The following ROBO2 variants were observed in gnomAD, a reference collection of about 807,000 sequenced individuals.
The protein encoded by ROBO2 is roundabout guidance receptor 2.
Under a neutral mutation model 160.8 loss-of-function variants are expected in ROBO2, and 53 were observed. The observed-to-expected ratio is 0.33, with a 90% confidence interval of 0.26 to 0.41. The LOEUF (loss-of-function observed/expected upper bound fraction) is 0.41. Among genes scored for constraint, ROBO2 ranks in the 10% least tolerant of loss-of-function variants. The pLI, the probability that ROBO2 is intolerant of heterozygous loss-of-function variation, is 1.00. For synonymous variants in ROBO2, 664 were observed against 611.7 expected, an observed-to-expected ratio of 1.09 and a Z score of -1.26; for missense variants, 1,577 against 1,722.4, an observed-to-expected ratio of 0.92 and a Z score of 1.49.
At chr3:75,991,045 CTG>C (rs1006391645) in intron 2 of ROBO2, among the ~76,000 whole-genome samples, 10 of 152,288 alleles carry the variant, frequency 6.6e-5, no homozygotes, top group African/African-American at 1.9e-4. Context: ...GACCTTCAAA[CTG>C]AGCCTGAATT....
At position 77,044,024 on chromosome 3, in the gene ROBO2, T is replaced by C. The variant is rs182277531; in HGVS notation, c.61+3178T>C. 3.3e-5 allele frequency among the ~76,000 whole-genome samples: 5 copies of C among 152,244 alleles called. No individual in the cohort carries two copies. In the East Asian group the frequency reaches 7.7e-4, roughly 23 times the overall value. ...GTAGTCTATTTCAGAATTTAAATTA[T>C]ATATAAGTAACCTGAAATGTGTTTT... On this transcript the variant is annotated intron_variant, in intron 1 of 25. Coordinates refer to ENST00000461745, the Ensembl canonical transcript of ROBO2.
chr3:76,744,706 C>T (rs2108099338), intron 2 of ROBO2, among the ~76,000 whole-genome samples: 1 of 152,176 alleles, frequency 6.6e-6, no homozygotes, highest in African/African-American at 2.4e-5. Flanking sequence ...AGATAGCCAT[C>T]TTCTCCCAGT....
At chr3:76,268,572 CTT>C (rs1707236874) in intron 2 of ROBO2, among the ~76,000 whole-genome samples, 1 of 152,062 alleles carries the variant, frequency 6.6e-6, no homozygotes. Flanking sequence ...TCTTCAGTGT[CTT>C]TTCCTCTTCT....
At chr3:77,050,012 C>A (rs971477392) in intron 1 of ROBO2, among the ~76,000 whole-genome samples, 1 of 152,046 alleles carries the variant, frequency 6.6e-6, no homozygotes, top group African/African-American at 2.4e-5. Context: ...AGGTTAGAGT[C>A]GTACTTAGAA....
chr3:76,840,674 T>TAA (rs1553654408), intron 2 of ROBO2, among the ~76,000 whole-genome samples: 9 of 127,064 alleles, frequency 7.1e-5, no homozygotes, highest in Middle Eastern at 4.2e-3. Context: ...TATATATATA[T>TAA]AAGATGAAGT....
intron 23 of ROBO2, among the ~76,000 whole-genome samples, chr3:77,624,378 G>A (rs2094962327): frequency 6.6e-6 from 1 of 152,112 alleles, no homozygotes; most frequent in Non-Finnish European, 1.5e-5. Flanking sequence ...GTGGGTGTGG[G>A]TGCTTGTGTA....
At chr3:76,806,083 C>T (rs1379893867) in intron 2 of ROBO2, among the ~76,000 whole-genome samples, 1 of 151,806 alleles carries the variant, frequency 6.6e-6, no homozygotes, top group Non-Finnish European at 1.5e-5. Flanking sequence ...TGAAATTCTT[C>T]TGTTTCCCTT....
At chr3:77,185,559 G>A (rs2081204573) in intron 2 of ROBO2, among the ~76,000 whole-genome samples, 1 of 151,930 alleles carries the variant, frequency 6.6e-6, no homozygotes, top group Admixed American at 6.6e-5. Flanking sequence ...AACATTGCTG[G>A]TGGGAATGTA....
intron 2 of ROBO2, among the ~76,000 whole-genome samples, chr3:77,281,476 A>G (rs942183211): frequency 1.4e-5 from 2 of 147,314 alleles, no homozygotes; most frequent in Non-Finnish European, 3.0e-5. Context: ...CACTAAATAT[A>G]AGAAAAAATA....
At chr3:76,279,725 G>C (rs1449855458) in intron 2 of ROBO2, among the ~76,000 whole-genome samples, 2 of 138,168 alleles carry the variant, frequency 1.4e-5, no homozygotes, top group Non-Finnish European at 3.3e-5. Flanking sequence ...AATTATCATT[G>C]CATCAGGATC....
At chr3:77,260,134 A>T (rs2058683369) in intron 2 of ROBO2, among the ~76,000 whole-genome samples, 1 of 152,162 alleles carries the variant, frequency 6.6e-6, no homozygotes, top group Admixed American at 6.5e-5. Context: ...ACAGGTGGTC[A>T]TCGAGACTAG....
At chr3:76,710,337 TC>T in intron 2 of ROBO2, among the ~76,000 whole-genome samples, 1 of 152,260 alleles carries the variant, frequency 6.6e-6, no homozygotes, top group African/African-American at 2.4e-5. Context: ...GCCAGGATGG[TC>T]TTGATCCCTT....
chr3:76,245,302 T>G (rs1015949786), intron 2 of ROBO2, among the ~76,000 whole-genome samples: 16 of 152,214 alleles, frequency 1.1e-4, no homozygotes. Flanking sequence ...AATACCTATT[T>G]TAGTCACTGC....
chr3:77,135,287 C>T (rs540074375), intron 2 of ROBO2, among the ~76,000 whole-genome samples: 145 of 152,276 alleles, frequency 9.5e-4, no homozygotes, highest in Non-Finnish European at 1.9e-3. Flanking sequence ...CCACATGCTA[C>T]CTTCACTAGA....
intron 2 of ROBO2, among the ~76,000 whole-genome samples, chr3:77,370,980 G>A (rs1017036119): frequency 1.7e-4 from 26 of 152,110 alleles, no homozygotes; most frequent in African/African-American, 6.0e-4. Context: ...CGTATAGTTC[G>A]GTCTTCAAGG....
At chr3:75,907,865 G>GTGTGTT (rs1283602812) in intron 1 of ROBO2, among the ~76,000 whole-genome samples, 3 of 56,866 alleles carry the variant, frequency 5.3e-5, no homozygotes, top group Non-Finnish European at 2.1e-4. Flanking sequence ...GTGTGTGTGT[G>GTGTGTT]TGTGTGTGTG....
At chr3:76,917,033 G>A (rs1259986938) in intron 2 of ROBO2, among the ~76,000 whole-genome samples, 1 of 152,038 alleles carries the variant, frequency 6.6e-6, no homozygotes, top group Admixed American at 6.6e-5. Flanking sequence ...CTTAAAAGGG[G>A]GCCTTTAAAT....
At chr3:76,774,595 C>G (rs547208353) in intron 2 of ROBO2, among the ~76,000 whole-genome samples, 1 of 150,904 alleles carries the variant, frequency 6.6e-6, no homozygotes, top group African/African-American at 2.4e-5. Flanking sequence ...AGCTGTAAAA[C>G]TGCCAGAGAT....
chr3:76,531,622 T>TTC (rs1448810568), intron 2 of ROBO2, among the ~76,000 whole-genome samples: 1 of 145,760 alleles, frequency 6.9e-6, no homozygotes, highest in South Asian at 2.1e-4. Context: ...TACAGTTTCT[T>TTC]TTTTTTTTTT....
Sources: gnomAD v4.1 joint callset for allele counts (sites outside exome capture counted in the v4.1 genomes callset) on GRCh38, gnomAD v4.1.1 for gene constraint, MANE v1.5 for transcripts, NCBI Gene and HGNC (gene_info 2026-07-23, HGNC 2026-07-21) for gene names.